The following TSPAN9 variants were observed in gnomAD, a reference collection of about 807,000 sequenced individuals.
TSPAN9 encodes the protein tetraspanin 9, also known as tetraspanin-9.
A neutral mutation model predicts 31.0 loss-of-function variants in TSPAN9; 16 were observed. The ratio of observed to expected loss-of-function variants is 0.52; its 90% CI spans 0.35 to 0.78. The LOEUF (loss-of-function observed/expected upper bound fraction) is 0.78. TSPAN9 is among the 30% of genes least tolerant of loss of function. TSPAN9 has a pLI of 0.01. For missense variants in TSPAN9, 272 were observed against 312.5 expected, an observed-to-expected ratio of 0.87 and a Z score of 0.98; for synonymous variants, 145 against 121.6, an observed-to-expected ratio of 1.19 and a Z score of -1.27.
At chr12:3,165,574 G>C (rs1244067949) in intron 2 of TSPAN9, among the ~76,000 whole-genome samples, 1 of 152,132 alleles carries the variant, frequency 6.6e-6, no homozygotes, top group Non-Finnish European at 1.5e-5. Flanking sequence ...CGAGGGTCAC[G>C]GAGTGTTTCT....
At chr12:3,161,743 A>T (rs188174585) in intron 2 of TSPAN9, among the ~76,000 whole-genome samples, 9 of 152,212 alleles carry the variant, frequency 5.9e-5, no homozygotes, top group Non-Finnish European at 1.2e-4. Context: ...TATGGTTTGA[A>T]TATTTGTCCT....
intron 3 of TSPAN9, among the ~76,000 whole-genome samples, chr12:3,252,969 G>A (rs1443347123): frequency 6.6e-6 from 1 of 152,154 alleles, no homozygotes; most frequent in Non-Finnish European, 1.5e-5. Context: ...ACATTTGGAG[G>A]CCTGGTTGTC....
chr12:3,255,007 G>A (rs773366685), intron 3 of TSPAN9, among the ~76,000 whole-genome samples: 6 of 152,154 alleles, frequency 3.9e-5, no homozygotes, highest in African/African-American at 1.2e-4. Context: ...CTGCCCTGTC[G>A]CCAAGAGATT....
intron 2 of TSPAN9, among the ~76,000 whole-genome samples, chr12:3,098,748 C>G (rs74616037): frequency 4.3e-4 from 62 of 145,416 alleles, no homozygotes; most frequent in African/African-American, 1.5e-3. Context: ...TTTTTTTTCT[C>G]TCTCTCTCTT....
chr12:3,182,775 A>C (rs1456893454), intron 2 of TSPAN9, among the ~76,000 whole-genome samples: 1 of 152,168 alleles, frequency 6.6e-6, no homozygotes, highest in Non-Finnish European at 1.5e-5. Flanking sequence ...TGACTGGGCC[A>C]TCAGCCTGAG....
At chr12:3,282,025 C>T (rs1245976225) in intron 8 of TSPAN9, 1 of 733,736 alleles carries the variant, frequency 1.4e-6, no homozygotes. Context: ...GAGTGGTGCT[C>T]AGGGCTGCCT....
In TSPAN9 at chr12:3,281,266, C is replaced by T. The variant is rs1221372649; in HGVS notation, c.501C>T (p.Asp167=). The stretch of plus-strand genomic sequence containing the variant: ...TGCTGGGGGAGAACACGGTTCCCGA[C>T]CGCTGCTGCATGGAGAACTCCCAGG... ...YPVLGENTVP[D]RCCMENSQGC... is the part of the protein sequence containing the mutation. The change falls in exon 7 of 9, where the codon GAC becomes GAT. Residue 167 remains aspartate, a synonymous_variant. Transcript: ENST00000011898. 2 of 1,551,216 alleles carry T rather than the reference C, an allele frequency of 1.3e-6. No individual in the cohort carries two copies. The highest frequency in any genetic ancestry group is 2.7e-5 in the African/African-American group (2 of 73,060).
Position 3,192,523 on chromosome 12 carries a change from G to A in TSPAN9, c.-17-8654G>A, listed in dbSNP as rs1591669082. 6.6e-6 allele frequency among the ~76,000 whole-genome samples: 1 copy of A among 152,148 alleles called. No individual in the cohort carries two copies. The highest frequency in any genetic ancestry group is 1.9e-4 in the East Asian group (1 of 5,188). ...TCTGAGGCTTCTGGCATAAGCAGTGGGGTGAAAACTTAAGCCATTTGTTGA... is the reference window on the plus strand; with the variant it reads ...TCTGAGGCTTCTGGCATAAGCAGTGAGGTGAAAACTTAAGCCATTTGTTGA... On this transcript the variant is annotated intron_variant, in intron 2 of 8. Transcript: ENST00000011898. The surrounding 1 kb of genome is among the most constrained non-coding windows in gnomAD (Gnocchi z 4.6).
chr12:3,170,970 C>T lies in TSPAN9; in HGVS notation c.-17-30207C>T, dbSNP rs933787908. On this transcript the variant is annotated intron_variant, in intron 2 of 8. Transcript: ENST00000011898. This position sits in a 1 kb window ranked among gnomAD's most constrained non-coding sequence, Gnocchi z 4.4. Reference sequence around the variant, plus strand: ...TACTGAAAAGCACACTCGTTGCCTCCCCACTCCTGTGTTCCTTTGTAGATC... The same window carrying T: ...TACTGAAAAGCACACTCGTTGCCTCTCCACTCCTGTGTTCCTTTGTAGATC... Among the ~76,000 whole-genome samples, 1 of 152,168 alleles carries T rather than the reference C, an allele frequency of 6.6e-6. No homozygotes were observed. The highest frequency in any genetic ancestry group is 2.4e-5 in the African/African-American group (1 of 41,444).
chr12:3,103,101 G>A (rs758239799), intron 2 of TSPAN9, among the ~76,000 whole-genome samples: 19 of 152,200 alleles, frequency 1.2e-4, no homozygotes, highest in Non-Finnish European at 1.8e-4. Context: ...CCCAGTCAGC[G>A]TTGACCAAGT....
At chr12:3,142,445 T>C (rs1183553022) in intron 2 of TSPAN9, among the ~76,000 whole-genome samples, 1 of 152,194 alleles carries the variant, frequency 6.6e-6, no homozygotes. Flanking sequence ...ATTCCCAGGC[T>C]GGCCCTAGAT....
At chr12:3,237,153 A>C (rs1043649950) in intron 3 of TSPAN9, among the ~76,000 whole-genome samples, 1 of 152,178 alleles carries the variant, frequency 6.6e-6, no homozygotes, top group African/African-American at 2.4e-5. Flanking sequence ...ATACATCAAA[A>C]GAGAAGGCTC....
chr12:3,083,145 C>G (rs1038929043), intron 1 of TSPAN9, among the ~76,000 whole-genome samples: 1 of 152,218 alleles, frequency 6.6e-6, no homozygotes, highest in African/African-American at 2.4e-5. Flanking sequence ...GTTTTTATTG[C>G]TCCATAAGAG....
intron 2 of TSPAN9, among the ~76,000 whole-genome samples, chr12:3,102,506 C>G (rs2098312322): frequency 6.7e-6 from 1 of 149,490 alleles, no homozygotes; most frequent in Non-Finnish European, 1.5e-5. Context: ...GCGATCTCAG[C>G]TCACTACAAG....
At chr12:3,203,532 C>A (rs563555484) in intron 3 of TSPAN9, among the ~76,000 whole-genome samples, 1 of 152,170 alleles carries the variant, frequency 6.6e-6, no homozygotes, top group Non-Finnish European at 1.5e-5. Context: ...CGGTTGATAG[C>A]GAGAGAACTT....
intron 3 of TSPAN9, among the ~76,000 whole-genome samples, chr12:3,209,735 G>A (rs1325516685): frequency 5.3e-5 from 8 of 151,940 alleles, no homozygotes; most frequent in East Asian, 1.9e-4. Flanking sequence ...CGAGGCGGGC[G>A]GATCACGAGG....
At chr12:3,226,716 G>A (rs936690837) in intron 3 of TSPAN9, among the ~76,000 whole-genome samples, 1 of 6,838 alleles carries the variant, frequency 1.5e-4, no homozygotes, top group Non-Finnish European at 4.5e-4. Context: ...GTATGTGTAT[G>A]TATGTGTGTG....
In TSPAN9 at chr12:3,187,275, G is replaced by A. The variant is rs2098361898; in HGVS notation, c.-17-13902G>A. 6.6e-6 allele frequency among the ~76,000 whole-genome samples: 1 copy of A among 152,138 alleles called. No homozygotes were observed. Among genetic ancestry groups the A allele is most frequent in the African/African-American group, 2.4e-5 (1 of 41,420 alleles). On this transcript the variant is annotated intron_variant, in intron 2 of 8. Coordinates refer to ENST00000011898, the MANE Select transcript of TSPAN9 (RefSeq NM_006675.5). The surrounding 1 kb of genome is among the most constrained non-coding windows in gnomAD (Gnocchi z 5.2). ...GTGGTGTGTTTTCCAGGATTGGCAG[G>A]GCTTGTCCTTTGGTGTTGTGATGTG...
In TSPAN9 at chr12:3,088,380, G is replaced by A. The variant is rs189464497; in HGVS notation, c.-18+4661G>A. Among the ~76,000 whole-genome samples the A allele has an allele frequency of 7.2e-5, 11 of 151,774 alleles. No homozygotes were observed. The East Asian group carries it at 2.1e-3, about 30-fold the overall frequency. ...GGAGGCGCTTACAGCATCACCCATG[G>A]TGTGAGTCACTCCAAATTAGCAGCC... is the stretch of plus-strand genomic sequence containing the variant. On this transcript the variant is annotated intron_variant, in intron 2 of 8. Coordinates refer to ENST00000011898, the MANE Select transcript of TSPAN9 (RefSeq NM_006675.5).
Sources: allele counts gnomAD v4.1 joint callset (sites outside exome capture counted in the v4.1 genomes callset), GRCh38; gene constraint gnomAD v4.1.1; non-coding constraint Gnocchi (gnomAD v3.1); transcripts MANE v1.5; gene names NCBI Gene and HGNC (gene_info 2026-07-23, HGNC 2026-07-21).